Variants in GRAMD1C observed in about 807,000 individuals in gnomAD.
The protein encoded by GRAMD1C is protein Aster-C.
GRAMD1C carries 89 observed loss-of-function variants against 97.8 expected under a neutral mutation model. That is an observed-to-expected ratio of 0.91 (90% CI 0.77 to 1.09). GRAMD1C has a LOEUF of 1.09. Ranked by LOEUF, GRAMD1C falls within the 50% of genes least tolerant of loss-of-function variation. The pLI, the probability that GRAMD1C is intolerant of heterozygous loss-of-function variation, is 0.00. For synonymous variants in GRAMD1C, 256 were observed against 267.0 expected (o/e 0.96, Z 0.40); for missense variants, 740 against 766.4 (o/e 0.97, Z 0.41).
rs1411303518 is a variant in GRAMD1C at position 113,938,147 on chromosome 3, A to G, written c.1691+4A>G. On this transcript the variant is annotated splice_donor_region_variant and intron_variant, in intron 15 of 17. Transcript: ENST00000358160. ...TTATTGTGGTAATGAGTATTTTGTA[A>G]GTATTTGTTGTGAATGCTTATTTTG... The G allele has an allele frequency of 7.0e-7, 1 of 1,434,488 alleles. No homozygotes were observed. The allele number at this position is 1,434,488 out of a possible 1,614,324, so 88.9% of individuals were successfully genotyped here.
At chr3:113,917,140 G>C (rs1008799393) in intron 10 of GRAMD1C, among the ~76,000 whole-genome samples, 1 of 152,024 alleles carries the variant, frequency 6.6e-6, no homozygotes, top group Non-Finnish European at 1.5e-5. Flanking sequence ...TTGAGACTCT[G>C]TCTCAAAATA....
chr3:113,839,172 G>T (rs545754472), intron 1 of GRAMD1C, among the ~76,000 whole-genome samples: 1 of 152,308 alleles, frequency 6.6e-6, no homozygotes, highest in South Asian at 2.1e-4. Flanking sequence ...TTGAGGGCTT[G>T]AATTTGGTCC....
At chr3:113,836,867 C>T (rs1399949355), upstream of GRAMD1C, among the ~76,000 whole-genome samples, 3 of 152,126 alleles carry the variant, frequency 2.0e-5, no homozygotes, top group Non-Finnish European at 4.4e-5. Context: ...TGGTCTCAAA[C>T]TCCTGACCTC....
chr3:113,938,060 T>G, intron 14 of GRAMD1C, 26 bp from the exon 15 acceptor site: 2 of 1,295,974 alleles, frequency 1.5e-6, no homozygotes, highest in Non-Finnish European at 2.2e-6. Context: ...CTCATTCTAA[T>G]GCAGCCTTTT....
intron 10 of GRAMD1C, among the ~76,000 whole-genome samples, chr3:113,921,311 T>C (rs767642842): frequency 6.6e-4 from 101 of 152,372 alleles, no homozygotes; most frequent in Middle Eastern, 3.4e-3. Flanking sequence ...CAGTCTACCA[T>C]TGATGGGCAT....
At chr3:113,933,973 G>T (rs1022309387) in intron 12 of GRAMD1C, among the ~76,000 whole-genome samples, 5 of 152,138 alleles carry the variant, frequency 3.3e-5, no homozygotes, top group Non-Finnish European at 5.9e-5. Context: ...TGGGAGTTTT[G>T]GGGGAGTGCT....
At chr3:113,850,912 C>T (rs1577124827) in intron 2 of GRAMD1C, among the ~76,000 whole-genome samples, 1 of 151,888 alleles carries the variant, frequency 6.6e-6, no homozygotes, top group East Asian at 1.9e-4. Context: ...ACACCATTCT[C>T]CTGCCCCAGC....
chr3:113,844,233 G>A (rs1327967222), intron 1 of GRAMD1C, among the ~76,000 whole-genome samples: 1 of 152,138 alleles, frequency 6.6e-6, no homozygotes, highest in East Asian at 1.9e-4. Context: ...GTTGAAGGCT[G>A]CAGTGAGCTA....
At chr3:113,884,078 A>G (rs77180965) in intron 6 of GRAMD1C, among the ~76,000 whole-genome samples, 2,158 of 152,296 alleles carry the variant, frequency 0.014, 55 homozygotes, top group African/African-American at 0.05. Flanking sequence ...ACAAGGAAAT[A>G]TAAGACTTGA....
At chr3:113,934,564 T>C in intron 13 of GRAMD1C, 29 bp downstream of exon 13, 1 of 962,116 alleles carries the variant, frequency 1.0e-6, no homozygotes. Flanking sequence ...TTATCTATTT[T>C]TGTAAAGATG....
intron 10 of GRAMD1C, among the ~76,000 whole-genome samples, chr3:113,923,987 T>C (rs555809943): frequency 6.6e-6 from 1 of 152,086 alleles, no homozygotes; most frequent in Non-Finnish European, 1.5e-5. Context: ...GGTTTTAATT[T>C]CTTCCTGGCT....
intron 2 of GRAMD1C, among the ~76,000 whole-genome samples, chr3:113,862,213 T>G (rs1007791537): frequency 5.3e-5 from 8 of 152,184 alleles, no homozygotes; most frequent in African/African-American, 1.9e-4. Flanking sequence ...GACCAAAATT[T>G]ATTAGGTGGG....
At chr3:113,876,850 A>G (rs1421543132) in intron 5 of GRAMD1C, among the ~76,000 whole-genome samples, 1 of 103,246 alleles carries the variant, frequency 9.7e-6, no homozygotes, top group Non-Finnish European at 2.1e-5. Context: ...GGAAAGAAAG[A>G]AAAAAAAAAG....
chr3:113,933,591 T>C lies in GRAMD1C; in HGVS notation c.1290T>C (p.Asp430=), dbSNP rs1937517462. ...TGACACATGATGTCCCCTACCATGA[T>C]TACTTCTATACCGTGAACAGATACT... ...EVLTHDVPYH[D]YFYTVNRYCI... The change falls in exon 12 of 18, where the codon GAT becomes GAC. Residue 430 remains aspartate (D), a synonymous_variant. Coordinates refer to ENST00000358160, the MANE Select transcript of GRAMD1C (RefSeq NM_017577.5). 1 of 1,604,432 alleles carries C rather than the reference T, an allele frequency of 6.2e-7. No homozygotes were observed. Among genetic ancestry groups the C allele is most frequent in the Non-Finnish European group, 8.5e-7 (1 of 1,171,144 alleles).
intron 4 of GRAMD1C, chr3:113,875,801 G>T: frequency 2.5e-6 from 1 of 406,990 alleles, no homozygotes; most frequent in Non-Finnish European, 4.3e-6. Flanking sequence ...GTTAGAGAAA[G>T]ATATTTTAAT....
chr3:113,832,902 G>A (rs865976516), intron 1 of GRAMD1C, among the ~76,000 whole-genome samples: 2 of 152,128 alleles, frequency 1.3e-5, no homozygotes, highest in African/African-American at 4.8e-5. Context: ...AAGTCAGCCA[G>A]AGGTGGAAGT....
chr3:113,839,054 T>C (rs1407625014), intron 1 of GRAMD1C, 118 bp downstream of exon 1: 1 of 653,310 alleles, frequency 1.5e-6, no homozygotes, highest in Non-Finnish European at 2.2e-6. Flanking sequence ...CTTTTCTTCG[T>C]GCTCTTTGGA....
intron 5 of GRAMD1C, among the ~76,000 whole-genome samples, chr3:113,879,162 G>C (rs1264095386): frequency 6.6e-6 from 1 of 151,234 alleles, no homozygotes; most frequent in East Asian, 2.0e-4. Flanking sequence ...TCGAGACCGC[G>C]CCACTGCACT....
At chr3:113,928,628 G>A (rs995731616) in intron 10 of GRAMD1C, among the ~76,000 whole-genome samples, 8 of 152,022 alleles carry the variant, frequency 5.3e-5, no homozygotes, top group Non-Finnish European at 8.8e-5. Context: ...GAATGGTAAC[G>A]CTCCATTTCT....
Sources: allele counts gnomAD v4.1 joint callset (sites outside exome capture counted in the v4.1 genomes callset), GRCh38; gene constraint gnomAD v4.1.1; transcripts MANE v1.5; gene names NCBI Gene and HGNC (gene_info 2026-07-23, HGNC 2026-07-21).